PIBF1: variants seen among roughly 807,000 people sequenced by gnomAD.
PIBF1 encodes progesterone-induced-blocking factor 1.
Under a neutral mutation model 112.5 loss-of-function variants are expected in PIBF1, and 90 were observed. That is an observed-to-expected ratio of 0.80 (90% CI 0.67 to 0.95). The LOEUF is 0.95. Among genes scored for constraint, PIBF1 ranks in the 40% least tolerant of loss-of-function variants. PIBF1 has a pLI of 0.00. For synonymous variants in PIBF1, 301 were observed against 288.6 expected (o/e 1.04, Z -0.44); for missense variants, 915 against 852.3 (o/e 1.07, Z -0.92).
At position 72,999,040 on chromosome 13, in the gene PIBF1, T is replaced by G. The variant is rs370718551; in HGVS notation, c.2223+45T>G. The G allele has an allele frequency of 5.0e-5, 62 of 1,237,526 alleles. No individual in the cohort carries two copies. In the African/African-American group the frequency reaches 7.9e-4, roughly 16 times the overall value. 76.7% of individuals were successfully genotyped at this position (1,237,526 alleles called of 1,614,324 possible). A position where few individuals can be genotyped will look rare whatever the true frequency, so the allele number is the denominator to read the frequency against. ...CTCATAATTTTAATATTCCTGATTC[T>G]TACTAAATGTATTTTAGTTAATTTT... On this transcript the variant is annotated intron_variant, in intron 17 of 17. Coordinates refer to ENST00000326291, the MANE Select transcript of PIBF1 (RefSeq NM_006346.4).
chr13:73,012,970 A>G (rs1479102949), intron 17 of PIBF1, among the ~76,000 whole-genome samples: 1 of 152,056 alleles, frequency 6.6e-6, no homozygotes, highest in African/African-American at 2.4e-5. Context: ...TCCAAGGACT[A>G]AAGGATGACT....
chr13:72,863,692 A>G (rs2038802911), intron 10 of PIBF1, among the ~76,000 whole-genome samples: 1 of 151,574 alleles, frequency 6.6e-6, no homozygotes. Flanking sequence ...GAGGATTTTT[A>G]AAGATGGAAA....
intron 9 of PIBF1, among the ~76,000 whole-genome samples, chr13:72,835,750 A>G (rs1043026760): frequency 4.6e-5 from 7 of 152,244 alleles, no homozygotes; most frequent in African/African-American, 1.2e-4. Context: ...TCAAATATAC[A>G]TATGCCTCAT....
chr13:72,915,034 T>C (rs1368523771), intron 12 of PIBF1, among the ~76,000 whole-genome samples: 1 of 152,180 alleles, frequency 6.6e-6, no homozygotes, highest in East Asian at 1.9e-4. Flanking sequence ...AAATAATACA[T>C]TTTTAAAAAT....
At chr13:72,831,892 AG>A (rs1331239325) in intron 8 of PIBF1, among the ~76,000 whole-genome samples, 1 of 152,076 alleles carries the variant, frequency 6.6e-6, no homozygotes, top group African/African-American at 2.4e-5. Context: ...GTCTGTTTGT[AG>A]GTCTCTAAGA....
Position 72,783,452 on chromosome 13 carries a change from T to G in PIBF1, c.-18T>G. On this transcript the variant is annotated 5_prime_UTR_variant, in exon 2 of 18. Coordinates refer to ENST00000326291, the MANE Select transcript of PIBF1 (RefSeq NM_006346.4). ...TTAAAATCAAATTAGAGAAGAAAACTGATCCATAATAATAAAAATGTCTCG... is the reference window on the plus strand; with the variant it reads ...TTAAAATCAAATTAGAGAAGAAAACGGATCCATAATAATAAAAATGTCTCG... The G allele has an allele frequency of 6.6e-7, 1 of 1,513,066 alleles. No individual in the cohort carries two copies. The highest frequency in any genetic ancestry group is 9.1e-7 in the Non-Finnish European group (1 of 1,102,158). 93.7% of individuals were successfully genotyped at this position (1,513,066 alleles called of 1,614,324 possible). A position where few individuals can be genotyped will look rare whatever the true frequency, so the allele number is the denominator to read the frequency against.
intron 2 of PIBF1, among the ~76,000 whole-genome samples, chr13:72,791,002 G>A (rs974875742): frequency 6.6e-6 from 1 of 152,020 alleles, no homozygotes; most frequent in African/African-American, 2.4e-5. Flanking sequence ...GGATTTACTT[G>A]CATATGTTAT....
At chr13:72,887,015 G>T (rs560892252) in intron 10 of PIBF1, among the ~76,000 whole-genome samples, 5 of 150,514 alleles carry the variant, frequency 3.3e-5, no homozygotes, top group African/African-American at 1.2e-4. Context: ...TGAGTTAATA[G>T]AACTGTGTTA....
chr13:72,969,242 G>T (rs891576788), intron 15 of PIBF1, among the ~76,000 whole-genome samples: 4 of 151,884 alleles, frequency 2.6e-5, no homozygotes, highest in Admixed American at 1.3e-4. Flanking sequence ...TTAAAAATGA[G>T]AAATAACATT....
intron 9 of PIBF1, among the ~76,000 whole-genome samples, chr13:72,844,756 C>CGGATGAAGTCTTACTGTTT (rs761295795): frequency 7.8e-5 from 9 of 115,226 alleles, no homozygotes; most frequent in Non-Finnish European, 1.5e-4. Flanking sequence ...CACACACACA[C>CGGATGAAGTCTTACTGTTT]ACACACACAC....
intron 17 of PIBF1, among the ~76,000 whole-genome samples, chr13:73,013,413 CACCAA>C (rs1359232080): frequency 6.7e-6 from 1 of 149,106 alleles, no homozygotes; most frequent in African/African-American, 2.5e-5. Context: ...TAATGTTAGA[CACCAA>C]ACCACAGACC....
rs141270139 is a variant in PIBF1, at chr13:73,015,939, C to G, written c.*20C>G. 11 of 1,537,646 alleles carry G rather than the reference C, an allele frequency of 7.2e-6. No individual in the cohort carries two copies. In the East Asian group the frequency reaches 2.5e-4, roughly 36 times the overall value. On this transcript the variant is annotated 3_prime_UTR_variant, in exon 18 of 18. Coordinates refer to ENST00000326291, the MANE Select transcript of PIBF1 (RefSeq NM_006346.4). ...ACCTAGTGTTTTGGATGGGAAGCAC[C>G]TGTAGACCATTATATACTCCTGAAG...
chr13:72,951,926 G>A (rs1340841005), intron 14 of PIBF1, among the ~76,000 whole-genome samples: 2 of 152,006 alleles, frequency 1.3e-5, no homozygotes, highest in African/African-American at 2.4e-5. Flanking sequence ...GGTCTTGTTG[G>A]CCATGTTGGC....
At chr13:72,851,567 G>T (rs2038159016) in intron 9 of PIBF1, among the ~76,000 whole-genome samples, 1 of 152,372 alleles carries the variant, frequency 6.6e-6, no homozygotes, top group East Asian at 1.9e-4. Context: ...TGGGCGCCAG[G>T]TTACAGCTGG....
At chr13:72,829,452 TGTATAAG>T (rs538970132) in intron 8 of PIBF1, among the ~76,000 whole-genome samples, 90 of 152,330 alleles carry the variant, frequency 5.9e-4, no homozygotes, top group African/African-American at 2.2e-3. Flanking sequence ...AGTTGATTTT[TGTATAAG>T]GTATAAGGAA....
rs117084279 is a variant in PIBF1, at chr13:72,870,347, T to C, written c.1322+16192T>C. 1.6e-3 allele frequency among the ~76,000 whole-genome samples: 249 copies of C among 152,304 alleles called. 8 individuals carry two copies. In the East Asian group the frequency reaches 0.039, roughly 24 times the overall value. The stretch of plus-strand genomic sequence containing the variant: ...AGCCAACATTATGAACTCAGCACTT[T>C]ACTGAGTACATCAAAAGGCAAAAGA... On this transcript the variant is annotated intron_variant, in intron 10 of 17. Transcript: ENST00000326291.
intron 5 of PIBF1, among the ~76,000 whole-genome samples, chr13:72,811,812 T>C (rs2036033800): frequency 6.6e-6 from 1 of 152,094 alleles, no homozygotes; most frequent in Non-Finnish European, 1.5e-5. Flanking sequence ...TTTTTACAAA[T>C]AATACAAATG....
intron 16 of PIBF1, among the ~76,000 whole-genome samples, chr13:72,992,933 T>TA (rs1205248881): frequency 6.6e-6 from 1 of 151,998 alleles, no homozygotes; most frequent in Admixed American, 6.6e-5. Flanking sequence ...AAAATAGCAA[T>TA]AAACAGATAA....
At chr13:72,973,928 T>C in intron 16 of PIBF1, 1 of 446,294 alleles carries the variant, frequency 2.2e-6, no homozygotes, top group Non-Finnish European at 3.9e-6. Context: ...TAATAATCTG[T>C]TTTATCTTAT....
Sources: gnomAD v4.1 joint callset for allele counts (sites outside exome capture counted in the v4.1 genomes callset) on GRCh38, gnomAD v4.1.1 for gene constraint, MANE v1.5 for transcripts, NCBI Gene and HGNC (gene_info 2026-07-23, HGNC 2026-07-21) for gene names.